The following PCDH9 variants were observed in gnomAD, a reference collection of about 807,000 sequenced individuals.
The protein encoded by PCDH9 is protocadherin 9.
Under a neutral mutation model 70.6 loss-of-function variants are expected in PCDH9, and 24 were observed. The observed-to-expected ratio is 0.34, with a 90% CI of 0.25 to 0.48. The LOEUF is 0.48. PCDH9 is among the 20% of genes least tolerant of loss of function. The probability of loss-of-function intolerance (pLI) is 0.99; values close to 1 mark genes in which losing one functional copy is unlikely to be tolerated. For missense variants in PCDH9, 1,281 were observed against 1,503.6 expected, an observed-to-expected ratio of 0.85 and a Z score of 2.45; for synonymous variants, 562 against 558.5, an observed-to-expected ratio of 1.01 and a Z score of -0.09.
chr13:66,691,693 G>A (rs1312276950), intron 3 of PCDH9, among the ~76,000 whole-genome samples: 2 of 151,918 alleles, frequency 1.3e-5, no homozygotes, highest in African/African-American at 4.8e-5. Flanking sequence ...ATGAACCCAC[G>A]TATTTTTTAC....
At chr13:67,109,179 A>G (rs930357910) in intron 2 of PCDH9, among the ~76,000 whole-genome samples, 1 of 152,212 alleles carries the variant, frequency 6.6e-6, no homozygotes, top group African/African-American at 2.4e-5. Context: ...AGGAAAAAAT[A>G]AAAGGTGATC....
chr13:67,207,278 AG>A (rs1306659862), intron 2 of PCDH9: 1 of 152,190 alleles, frequency 6.6e-6, no homozygotes, highest in Non-Finnish European at 1.5e-5. Context: ...TTTGTATAAA[AG>A]TTCCATGATA....
rs7996857 is a variant in PCDH9 at position 66,341,777 on chromosome 13, G to A, written c.3341-36749C>T. ...GCACAGGACTTTTGTATAGCAATGG[G>A]CATAAATCTCCAGAACGAGGCCATG... On this transcript the variant is annotated intron_variant, in intron 4 of 4. Coordinates refer to ENST00000377865, the MANE Select transcript of PCDH9 (RefSeq NM_203487.3). Among the ~76,000 whole-genome samples, 1,377 of 152,228 alleles carry A rather than the reference G, an allele frequency of 9.0e-3. 9 individuals are homozygous for A. The highest frequency in any genetic ancestry group is 0.031 in the Middle Eastern group (9 of 292).
chr13:66,649,858 T>C (rs1355020858), intron 3 of PCDH9, among the ~76,000 whole-genome samples: 1 of 152,010 alleles, frequency 6.6e-6, no homozygotes, highest in African/African-American at 2.4e-5. Flanking sequence ...TAGTTTCTTC[T>C]TCACTCACTT....
chr13:66,890,390 C>T (rs2082075613), intron 3 of PCDH9, among the ~76,000 whole-genome samples: 1 of 144,774 alleles, frequency 6.9e-6, no homozygotes, highest in Non-Finnish European at 1.5e-5. Context: ...CACTCTTAAC[C>T]TTCTGCTTAG....
chr13:66,610,774 C>T (rs2077284877), intron 4 of PCDH9, among the ~76,000 whole-genome samples: 1 of 152,068 alleles, frequency 6.6e-6, no homozygotes, highest in Non-Finnish European at 1.5e-5. Context: ...TATTTTTTTC[C>T]TAATAAAGAG....
intron 3 of PCDH9, among the ~76,000 whole-genome samples, chr13:66,672,308 A>G (rs1480693944): frequency 6.6e-6 from 1 of 152,202 alleles, no homozygotes; most frequent in Non-Finnish European, 1.5e-5. Flanking sequence ...GAGGTCCATC[A>G]AAGCAATGCT....
At chr13:66,518,862 T>TTAACACCA (rs1959864751) in intron 4 of PCDH9, among the ~76,000 whole-genome samples, 1 of 152,130 alleles carries the variant, frequency 6.6e-6, no homozygotes, top group South Asian at 2.1e-4. Flanking sequence ...AACGCATGAA[T>TTAACACCA]TAACACCAGG....
At chr13:66,759,123 T>G (rs954628872) in intron 3 of PCDH9, among the ~76,000 whole-genome samples, 1 of 152,060 alleles carries the variant, frequency 6.6e-6, no homozygotes, top group Non-Finnish European at 1.5e-5. Context: ...TCTTTTTCTC[T>G]GATCTTTACT....
At chr13:67,173,613 A>G (rs2138454248) in intron 2 of PCDH9, among the ~76,000 whole-genome samples, 1 of 152,300 alleles carries the variant, frequency 6.6e-6, no homozygotes. Context: ...CCTCTGGTAT[A>G]CACTTCAGTT....
intron 4 of PCDH9, among the ~76,000 whole-genome samples, chr13:66,457,815 G>A (rs950455898): frequency 4.6e-5 from 7 of 151,888 alleles, no homozygotes; most frequent in Non-Finnish European, 7.4e-5. Context: ...CCTCTAGAAA[G>A]TTTTCCTTGA....
intron 4 of PCDH9, among the ~76,000 whole-genome samples, chr13:66,551,033 C>A (rs921636873): frequency 6.6e-6 from 1 of 152,164 alleles, no homozygotes; most frequent in African/African-American, 2.4e-5. Flanking sequence ...CTTTCACAAG[C>A]TTTCCAGCTG....
At chr13:67,083,497 A>AAATATTTTCCTGATT (rs1188365257) in intron 2 of PCDH9, among the ~76,000 whole-genome samples, 1 of 152,210 alleles carries the variant, frequency 6.6e-6, no homozygotes, top group Non-Finnish European at 1.5e-5. Context: ...ATAAACAGAG[A>AAATATTTTCCTGATT]ATTACAGGAA....
At chr13:66,434,190 C>T (rs1234985279) in intron 4 of PCDH9, among the ~76,000 whole-genome samples, 1 of 151,788 alleles carries the variant, frequency 6.6e-6, no homozygotes, top group Non-Finnish European at 1.5e-5. Context: ...TATTTGACCA[C>T]AGTTTATCCC....
chr13:67,009,866 C>T (rs1413745250), intron 2 of PCDH9, among the ~76,000 whole-genome samples: 1 of 151,832 alleles, frequency 6.6e-6, no homozygotes, highest in African/African-American at 2.4e-5. Context: ...TGCAACAGAT[C>T]ACATAGTAAA....
intron 2 of PCDH9, among the ~76,000 whole-genome samples, chr13:67,008,973 A>G (rs1292434580): frequency 1.4e-4 from 22 of 152,166 alleles, no homozygotes; most frequent in Admixed American, 1.4e-3. Flanking sequence ...ACTGTATGTA[A>G]TAAAGATGCA....
chr13:66,787,345 G>T (rs1490177006), intron 3 of PCDH9, among the ~76,000 whole-genome samples: 1 of 152,084 alleles, frequency 6.6e-6, no homozygotes. Context: ...GCCAGGCGTG[G>T]TGGCTCACGC....
chr13:67,012,358 A>C (rs2084467875), intron 2 of PCDH9, among the ~76,000 whole-genome samples: 1 of 151,882 alleles, frequency 6.6e-6, no homozygotes, highest in Non-Finnish European at 1.5e-5. Context: ...AGTAAGAGTA[A>C]ACCTGGCCAT....
At chr13:67,207,729 A>G (rs946308515) in intron 2 of PCDH9, 1 of 152,194 alleles carries the variant, frequency 6.6e-6, no homozygotes, top group South Asian at 2.1e-4. Flanking sequence ...TTAGTTTTAC[A>G]TATGTTTAAA....
Sources: gnomAD v4.1 joint callset for allele counts (sites outside exome capture counted in the v4.1 genomes callset) on GRCh38, gnomAD v4.1.1 for gene constraint, MANE v1.5 for transcripts, NCBI Gene and HGNC (gene_info 2026-07-23, HGNC 2026-07-21) for gene names.